The following KCNMB4 variants were observed in gnomAD, a reference collection of about 807,000 sequenced individuals.
KCNMB4 encodes potassium calcium-activated channel subfamily M regulatory beta subunit 4, also known as calcium-activated potassium channel subunit beta-4.
A neutral mutation model predicts 20.7 loss-of-function variants in KCNMB4; 3 were observed. The ratio of observed to expected loss-of-function variants is 0.14; its 90% CI spans 0.07 to 0.37. The LOEUF is 0.37. KCNMB4 is among the 10% of genes least tolerant of loss of function. The probability of loss-of-function intolerance (pLI) is 1.00; values close to 1 mark genes in which losing one functional copy is unlikely to be tolerated. For synonymous variants in KCNMB4, 110 were observed against 113.4 expected, an observed-to-expected ratio of 0.97 and a Z score of 0.19; for missense variants, 168 against 265.9, an observed-to-expected ratio of 0.63 and a Z score of 2.56.
At chr12:70,381,137 A>G (rs995924334) in intron 1 of KCNMB4, among the ~76,000 whole-genome samples, 3 of 152,132 alleles carry the variant, frequency 2.0e-5, no homozygotes, top group African/African-American at 7.2e-5. Context: ...GCCAATGAGC[A>G]CATGAAAAAA....
chr12:70,395,808 G>A (rs1213683281), intron 1 of KCNMB4, among the ~76,000 whole-genome samples: 2 of 152,144 alleles, frequency 1.3e-5, no homozygotes, highest in Non-Finnish European at 2.9e-5. Flanking sequence ...AAGGTTATTT[G>A]TGCAATAATG....
chr12:70,387,007 G>A (rs1409821667), intron 1 of KCNMB4, among the ~76,000 whole-genome samples: 2 of 152,126 alleles, frequency 1.3e-5, no homozygotes, highest in Non-Finnish European at 2.9e-5. Flanking sequence ...AAGCATAACT[G>A]CCTGGGGTAA....
intron 1 of KCNMB4, among the ~76,000 whole-genome samples, chr12:70,390,549 A>G (rs1006757610): frequency 2.0e-5 from 3 of 152,176 alleles, no homozygotes; most frequent in African/African-American, 7.2e-5. Flanking sequence ...CTGATCTGTC[A>G]TAGACTCTTG....
At chr12:70,426,570 A>C (rs915802649) in intron 2 of KCNMB4, among the ~76,000 whole-genome samples, 2 of 152,188 alleles carry the variant, frequency 1.3e-5, no homozygotes, top group African/African-American at 4.8e-5. Context: ...AAGTGATTCA[A>C]ATTTGAGAAA....
chr12:70,368,870 T>C (rs1277743646), intron 1 of KCNMB4, among the ~76,000 whole-genome samples: 1 of 152,204 alleles, frequency 6.6e-6, no homozygotes, highest in Non-Finnish European at 1.5e-5. Flanking sequence ...GTTTGAAGTA[T>C]CTGGCAGAAA....
rs144200148 is a variant in KCNMB4 at position 70,366,884 on chromosome 12, G to A, written c.150G>A (p.Thr50=). Residue 50 remains threonine, a synonymous_variant, in exon 1 of 3, where the codon ACG becomes ACA. Transcript: ENST00000258111. ...LSPALQDLQA[T]EANCTVLSVQ... The stretch of plus-strand genomic sequence containing the variant: ...CCGCGCTGCAGGATCTGCAAGCCAC[G>A]GAGGCCAATTGCACGGTGCTGTCGG... The A allele has an allele frequency of 2.7e-5, 44 of 1,613,438 alleles. No individual in the cohort carries two copies. The highest frequency in any genetic ancestry group is 3.7e-5 in the Non-Finnish European group (44 of 1,179,932).
At chr12:70,385,384 T>C (rs1364135031) in intron 1 of KCNMB4, among the ~76,000 whole-genome samples, 1 of 152,218 alleles carries the variant, frequency 6.6e-6, no homozygotes, top group Non-Finnish European at 1.5e-5. Context: ...TTCTTTCATC[T>C]AGCTTTATCT....
intron 2 of KCNMB4, among the ~76,000 whole-genome samples, chr12:70,418,441 G>A (rs1868966599): frequency 6.6e-6 from 1 of 152,140 alleles, no homozygotes; most frequent in Non-Finnish European, 1.5e-5. Flanking sequence ...ACTATGCTTG[G>A]TGTAGCCTAT....
At position 70,367,089 on chromosome 12, in the gene KCNMB4, C is replaced by A; in HGVS notation, c.336+19C>A. 2.0e-6 allele frequency: 3 copies of A among 1,484,150 alleles called. No homozygotes were observed. The highest frequency in any genetic ancestry group is 2.8e-5 in the South Asian group (2 of 72,468). The allele number at this position is 1,484,150 out of a possible 1,614,324, so 91.9% of individuals were successfully genotyped here. ...CCCCAAGGTAAGAACGCCCCGCGCACCCAGGGGCTCCCCGCGAGGGAGGTT... is the reference window on the plus strand; with the variant it reads ...CCCCAAGGTAAGAACGCCCCGCGCAACCAGGGGCTCCCCGCGAGGGAGGTT... On this transcript the variant is annotated intron_variant, in intron 1 of 2. Coordinates refer to ENST00000258111, the MANE Select transcript of KCNMB4 (RefSeq NM_014505.6).
At chr12:70,402,244 A>G (rs1173436241) in intron 2 of KCNMB4, among the ~76,000 whole-genome samples, 19 of 152,088 alleles carry the variant, frequency 1.2e-4, no homozygotes, top group Admixed American at 9.8e-4. Context: ...TTGATCCCCA[A>G]TTTTGATTTA....
At chr12:70,407,386 C>T (rs930101837) in intron 2 of KCNMB4, among the ~76,000 whole-genome samples, 3 of 148,552 alleles carry the variant, frequency 2.0e-5, no homozygotes, top group Non-Finnish European at 4.4e-5. Flanking sequence ...AGCATTGGCC[C>T]TTGGTGGTTG....
intron 2 of KCNMB4, among the ~76,000 whole-genome samples, chr12:70,423,031 C>G (rs560867540): frequency 1.3e-5 from 2 of 152,280 alleles, no homozygotes; most frequent in South Asian, 2.1e-4. Flanking sequence ...GAATTTAATG[C>G]TGTTAAATGA....
intron 1 of KCNMB4, among the ~76,000 whole-genome samples, chr12:70,368,373 CCT>C (rs949710789): frequency 2.6e-5 from 4 of 151,230 alleles, no homozygotes; most frequent in African/African-American, 9.7e-5. Context: ...ATGAATGACT[CCT>C]CTCAAAAAAA....
intron 2 of KCNMB4, among the ~76,000 whole-genome samples, chr12:70,405,571 G>A (rs1419675654): frequency 1.3e-5 from 2 of 152,156 alleles, no homozygotes; most frequent in African/African-American, 4.8e-5. Context: ...ATGGAAGACA[G>A]TATGGATGTT....
At chr12:70,367,563 C>G (rs1163342641) in intron 1 of KCNMB4, among the ~76,000 whole-genome samples, 2 of 152,086 alleles carry the variant, frequency 1.3e-5, no homozygotes, top group Non-Finnish European at 2.9e-5. Flanking sequence ...CTCACCTTTT[C>G]GCTCTACATA....
chr12:70,383,474 A>C (rs1883831427), intron 1 of KCNMB4, among the ~76,000 whole-genome samples: 1 of 152,174 alleles, frequency 6.6e-6, no homozygotes, highest in African/African-American at 2.4e-5. Context: ...AAATCCTGAA[A>C]AATACATGTC....
In KCNMB4 at chr12:70,432,015, A is replaced by C. The variant is rs1299336001; in HGVS notation, c.*1362A>C. ...TTTCCTGACCTTTAGTCCACATACC[A>C]ATGTTTTCTTTTTTCTTTTTTTTTT... On this transcript the variant is annotated 3_prime_UTR_variant, in exon 3 of 3. Transcript: ENST00000258111. The C allele has an allele frequency of 6.6e-6, 1 of 150,936 alleles. No homozygotes were observed. Among genetic ancestry groups the C allele is most frequent in the Non-Finnish European group, 1.5e-5 (1 of 67,976 alleles). The allele number at this position is 150,936 out of a possible 1,614,324, so 9.3% of individuals were successfully genotyped here.
At chr12:70,407,627 C>G (rs2136133582) in intron 2 of KCNMB4, among the ~76,000 whole-genome samples, 1 of 151,776 alleles carries the variant, frequency 6.6e-6, no homozygotes. Context: ...GCCACCACAC[C>G]CGGCTAATTT....
intron 1 of KCNMB4, among the ~76,000 whole-genome samples, chr12:70,397,627 A>G (rs1395939099): frequency 6.6e-6 from 1 of 152,230 alleles, no homozygotes; most frequent in Non-Finnish European, 1.5e-5. Context: ...ACTCAGTGAA[A>G]GTTTTTGACC....
Sources: allele counts gnomAD v4.1 joint callset (sites outside exome capture counted in the v4.1 genomes callset), GRCh38; gene constraint gnomAD v4.1.1; transcripts MANE v1.5; gene names NCBI Gene and HGNC (gene_info 2026-07-23, HGNC 2026-07-21).